ACO2: variants seen among roughly 807,000 people sequenced by gnomAD.
The protein encoded by ACO2 is aconitate hydratase, mitochondrial.
In ACO2, 31 loss-of-function variants were observed where a neutral mutation model predicts 84.5. The ratio of observed to expected loss-of-function variants is 0.37; its 90% CI spans 0.28 to 0.50. The LOEUF is 0.50. Among genes scored for constraint, ACO2 ranks in the 20% least tolerant of loss-of-function variants. The pLI is 0.97. For synonymous variants in ACO2, 414 were observed against 412.7 expected, an observed-to-expected ratio of 1.00 and a Z score of -0.04; for missense variants, 685 against 1,029.3, an observed-to-expected ratio of 0.67 and a Z score of 4.58.
intron 1 of ACO2, among the ~76,000 whole-genome samples, chr22:41,493,361 A>G (rs1483626822): frequency 6.6e-6 from 1 of 152,088 alleles, no homozygotes; most frequent in Admixed American, 6.6e-5. Flanking sequence ...ATGAAATTAA[A>G]AAAAAAAAAT....
intron 14 of ACO2, 106 bp downstream of exon 14, chr22:41,525,454 G>A (rs539339052): frequency 1.2e-4 from 165 of 1,397,182 alleles, no homozygotes; most frequent in Admixed American, 6.5e-4. Flanking sequence ...CAGTCAAGAC[G>A]CAGGTGGGAG....
At chr22:41,470,156 C>T (rs1007921280) in intron 1 of ACO2, among the ~76,000 whole-genome samples, 1 of 152,142 alleles carries the variant, frequency 6.6e-6, no homozygotes, top group Non-Finnish European at 1.5e-5. Context: ...AACTTGACAG[C>T]CCTGGGAAGG....
At chr22:41,488,594 C>T (rs903167170) in intron 1 of ACO2, among the ~76,000 whole-genome samples, 3 of 152,084 alleles carry the variant, frequency 2.0e-5, no homozygotes, top group Non-Finnish European at 2.9e-5. Context: ...GTCTCATGTG[C>T]GTTCTGGGGC....
In ACO2 at chr22:41,515,578, G is replaced by C. The variant is rs752585771; in HGVS notation, c.684+43G>C. 6 of 1,586,028 alleles carry C rather than the reference G, an allele frequency of 3.8e-6. No individual in the cohort carries two copies. In the South Asian group the frequency reaches 6.9e-5, roughly 18 times the overall value. ...CTCATTCTGGGCTGGCTGTGGGGTGGTGGTTGGTGGGGATGAACGGGAGAC... is the reference window on the plus strand; with the variant it reads ...CTCATTCTGGGCTGGCTGTGGGGTGCTGGTTGGTGGGGATGAACGGGAGAC... On this transcript the variant is annotated intron_variant, in intron 5 of 17. Coordinates refer to ENST00000216254, the MANE Select transcript of ACO2 (RefSeq NM_001098.3). The surrounding 1 kb of genome is among the most constrained non-coding windows in gnomAD (Gnocchi z 5.8).
intron 1 of ACO2, 32 bp from the exon 2 acceptor site, chr22:41,499,694 A>C (rs1305463363): frequency 2.5e-6 from 4 of 1,606,338 alleles, no homozygotes; most frequent in Non-Finnish European, 3.4e-6. Flanking sequence ...TAAGTGCTCC[A>C]TTGACAGTGG....
rs116521260 is a variant in ACO2, at chr22:41,523,783, G to T, written c.1371-47G>T. On this transcript the variant is annotated intron_variant, in intron 11 of 17. Coordinates refer to ENST00000216254, the MANE Select transcript of ACO2 (RefSeq NM_001098.3). ...GCTTATCTGTCCTCGGGACAGGCCAGGTGACAAGGCCAGATATCCCTAACC... is the reference window on the plus strand; with the variant it reads ...GCTTATCTGTCCTCGGGACAGGCCATGTGACAAGGCCAGATATCCCTAACC... 1.4e-3 allele frequency: 2,119 copies of T among 1,524,550 alleles called. 25 individuals are homozygous for T. The African/African-American group carries it at 0.026, about 19-fold the overall frequency. The allele number at this position is 1,524,550 out of a possible 1,614,324, so 94.4% of individuals were successfully genotyped here. A position where few individuals can be genotyped will look rare whatever the true frequency, so the allele number is the denominator to read the frequency against.
In ACO2 at chr22:41,515,289, G is replaced by A. The variant is rs1342440591; in HGVS notation, c.526-88G>A. 5.4e-6 allele frequency: 8 copies of A among 1,479,436 alleles called. No homozygotes were observed. Among genetic ancestry groups the A allele is most frequent in the Admixed American group, 1.7e-5 (1 of 59,492 alleles). 91.6% of individuals were successfully genotyped at this position (1,479,436 alleles called of 1,614,324 possible). On this transcript the variant is annotated intron_variant, in intron 4 of 17. Transcript: ENST00000216254. This position sits in a 1 kb window ranked among gnomAD's most constrained non-coding sequence, Gnocchi z 5.8. ...TTCCATCCTGGGAGAGTGGCTGGAC[G>A]TGGTTGGGAGGCCCCGGGTCAGTGG...
chr22:41,527,984 C>T lies in ACO2; in HGVS notation c.2170C>T (p.Leu724=), dbSNP rs2066639463. Residue 724 remains leucine, a synonymous_variant, in exon 17 of 18, where the codon CTG becomes TTG. Transcript: ENST00000216254. ...DYNKIHPVDK[L]TIQGLKDFTP... Reference sequence around the variant, plus strand: ...CAACAAGATTCACCCTGTGGACAAGCTGACCATTCAGGGCCTGAAGGACTT... The same window carrying T: ...CAACAAGATTCACCCTGTGGACAAGTTGACCATTCAGGGCCTGAAGGACTT... The T allele has an allele frequency of 6.2e-7, 1 of 1,614,082 alleles. No individual in the cohort carries two copies. Among genetic ancestry groups the T allele is most frequent in the African/African-American group, 1.3e-5 (1 of 74,934 alleles).
At chr22:41,477,294 C>T (rs1020989878) in intron 1 of ACO2, among the ~76,000 whole-genome samples, 5 of 151,652 alleles carry the variant, frequency 3.3e-5, no homozygotes, top group East Asian at 1.9e-4. Context: ...GCTGGGACTA[C>T]AGGCACCCGC....
intron 1 of ACO2, among the ~76,000 whole-genome samples, chr22:41,498,204 G>A (rs914150416): frequency 6.6e-6 from 1 of 151,990 alleles, no homozygotes; most frequent in Non-Finnish European, 1.5e-5. Context: ...CCCAGCTACC[G>A]AGGAGGCTAA....
rs2066512163 is a variant in ACO2 at position 41,520,231 on chromosome 22, G to A, written c.1093G>A (p.Gly365Ser). Reference protein sequence around the residue: ...PDLAHPVAEVGKVAEKEGWPL... With the variant: ...PDLAHPVAEVSKVAEKEGWPL... The stretch of plus-strand genomic sequence containing the variant: ...CCTGGCTCACCCTGTGGCAGAAGTG[G>A]GCAAGGTGGCAGAGAAGGAAGGATG... Residue 365 changes from glycine (G) to serine (S), a missense_variant, in exon 9 of 18, where the codon GGC becomes AGC. Gly to Ser is a moderately conservative substitution (Grantham distance 56). Around this residue, in one of 5 missense-constraint regions of ACO2, gnomAD observed 311 missense variants for 441.6 expected, o/e 0.70. Transcript: ENST00000216254. 1.9e-6 allele frequency: 3 copies of A among 1,614,020 alleles called. No homozygotes were observed. The South Asian group carries it at 3.3e-5, about 18-fold the overall frequency.
intron 1 of ACO2, among the ~76,000 whole-genome samples, chr22:41,493,588 T>C (rs2066290232): frequency 1.3e-5 from 2 of 152,180 alleles, no homozygotes; most frequent in South Asian, 4.1e-4. Context: ...TGTTTCATCC[T>C]TACTAATTTA....
intron 4 of ACO2, among the ~76,000 whole-genome samples, chr22:41,514,543 G>A (rs951749243): frequency 6.6e-6 from 1 of 152,198 alleles, no homozygotes; most frequent in African/African-American, 2.4e-5. Context: ...GATACAGGAC[G>A]CCTGGCTCAG....
chr22:41,509,430 G>A (rs1485727090), intron 3 of ACO2, among the ~76,000 whole-genome samples: 4 of 152,166 alleles, frequency 2.6e-5, no homozygotes, highest in Non-Finnish European at 5.9e-5. Flanking sequence ...CAATGGCCGA[G>A]GTAGGTAACT....
At chr22:41,501,296 C>T (rs2066352183) in intron 2 of ACO2, among the ~76,000 whole-genome samples, 1 of 152,220 alleles carries the variant, frequency 6.6e-6, no homozygotes, top group African/African-American at 2.4e-5. Flanking sequence ...GCCATGGTGC[C>T]TGGCCTAAGG....
Position 41,523,950 on chromosome 22 carries a change from G to A in ACO2, c.1482+9G>A, listed in dbSNP as rs747901429. ...TTGTCACGTCCCCAGAGGTGAGACT[G>A]CCCAGCTGCGCACAAGCCTGGGATG... On this transcript the variant is annotated intron_variant, in intron 12 of 17. Transcript: ENST00000216254. The A allele has an allele frequency of 6.2e-7, 1 of 1,611,960 alleles. No individual in the cohort carries two copies. Among genetic ancestry groups the A allele is most frequent in the Admixed American group, 1.7e-5 (1 of 60,004 alleles).
chr22:41,488,521 A>G (rs2066248659), intron 1 of ACO2, among the ~76,000 whole-genome samples: 1 of 152,182 alleles, frequency 6.6e-6, no homozygotes, highest in South Asian at 2.1e-4. Context: ...TCCCTGTTTT[A>G]TAGAAGAAAG....
intron 2 of ACO2, among the ~76,000 whole-genome samples, chr22:41,500,251 C>G (rs140531670): frequency 6.6e-6 from 1 of 152,114 alleles, no homozygotes; most frequent in East Asian, 1.9e-4. Context: ...CAGAGGAGAG[C>G]TCAGGTCTGA....
At chr22:41,486,120 CCTT>C (rs905176305) in intron 1 of ACO2, among the ~76,000 whole-genome samples, 3 of 151,998 alleles carry the variant, frequency 2.0e-5, no homozygotes, top group African/African-American at 7.2e-5. Flanking sequence ...GTGTGTGTGT[CCTT>C]CTTTCAAAGG....
Sources: gnomAD v4.1 joint callset for allele counts (sites outside exome capture counted in the v4.1 genomes callset) on GRCh38, gnomAD v4.1.1 for gene constraint, gnomAD v4.1.1 regional missense constraint, Gnocchi (gnomAD v3.1) non-coding constraint, MANE v1.5 for transcripts, NCBI Gene and HGNC (gene_info 2026-07-23, HGNC 2026-07-21) for gene names.